The following LRRC7 variants were observed in gnomAD, a reference collection of about 807,000 sequenced individuals.
LRRC7 encodes the protein leucine rich repeat containing 7.
In LRRC7, 23 loss-of-function variants were observed where a neutral mutation model predicts 175.7. The observed-to-expected ratio is 0.13, with a 90% CI of 0.09 to 0.19. The LOEUF (loss-of-function observed/expected upper bound fraction) is 0.19, where lower values mean the gene tolerates loss of function less well. Ranked by LOEUF, LRRC7 falls within the 10% of genes least tolerant of loss-of-function variation. The pLI is 1.00. For missense variants in LRRC7, 1,354 were observed against 1,904.7 expected (o/e 0.71, Z 5.38); for synonymous variants, 685 against 680.9 (o/e 1.01, Z -0.09).
chr1:70,066,602 A>G (rs1390994511), intron 23 of LRRC7, among the ~76,000 whole-genome samples: 1 of 152,028 alleles, frequency 6.6e-6, no homozygotes, highest in African/African-American at 2.4e-5. Flanking sequence ...TAGTATGGAT[A>G]TATCACAGTT....
chr1:69,729,492 G>A (rs1478094466), intron 2 of LRRC7, among the ~76,000 whole-genome samples: 1 of 152,068 alleles, frequency 6.6e-6, no homozygotes, highest in Non-Finnish European at 1.5e-5. Flanking sequence ...GGAGCCACAG[G>A]CCCCATGCAA....
intron 1 of LRRC7, among the ~76,000 whole-genome samples, chr1:69,635,103 C>A (rs1232944029): frequency 6.6e-6 from 1 of 151,992 alleles, no homozygotes; most frequent in Non-Finnish European, 1.5e-5. Context: ...CCAAAAGGCA[C>A]CAGCGTTTGT....
intron 7 of LRRC7, among the ~76,000 whole-genome samples, chr1:69,927,256 C>T (rs977072846): frequency 6.6e-5 from 10 of 152,130 alleles, no homozygotes; most frequent in Non-Finnish European, 1.0e-4. Flanking sequence ...TCCTTCATTT[C>T]AACTTTGGTG....
intron 8 of LRRC7, among the ~76,000 whole-genome samples, chr1:69,949,738 A>C (rs1472557090): frequency 2.0e-5 from 3 of 152,160 alleles, no homozygotes; most frequent in Non-Finnish European, 4.4e-5. Context: ...ATGGATTCTT[A>C]CAGGTAGAAC....
chr1:69,828,485 G>T (rs909749802), intron 5 of LRRC7, among the ~76,000 whole-genome samples: 1 of 151,982 alleles, frequency 6.6e-6, no homozygotes, highest in Non-Finnish European at 1.5e-5. Context: ...AGTAGAAATG[G>T]TATTTCAATT....
intron 7 of LRRC7, among the ~76,000 whole-genome samples, chr1:69,849,105 C>T (rs1400778467): frequency 1.3e-5 from 2 of 152,002 alleles, no homozygotes; most frequent in African/African-American, 2.4e-5. Context: ...TACTACTTAA[C>T]AGCAATCTTT....
chr1:69,795,520 G>A lies in LRRC7; in HGVS notation c.421+3360G>A, dbSNP rs559757770. Among the ~76,000 whole-genome samples, 3 of 152,290 alleles carry A rather than the reference G, an allele frequency of 2.0e-5. 1 individual carries two copies. Among genetic ancestry groups the A allele is most frequent in the African/African-American group, 4.8e-5 (2 of 41,558 alleles). ...GCAGTGTCAGAATCACAGTTGACAA[G>A]GTTGGAATAGCCCTGCTGAAAAAGA... is the stretch of plus-strand genomic sequence containing the variant. On this transcript the variant is annotated intron_variant, in intron 4 of 26. Transcript: ENST00000651989.
At chr1:69,772,606 A>G (rs1186096722) in intron 3 of LRRC7, among the ~76,000 whole-genome samples, 2 of 152,236 alleles carry the variant, frequency 1.3e-5, no homozygotes, top group South Asian at 2.1e-4. Context: ...AGTCAAGAGC[A>G]GAGACAGAGA....
chr1:69,876,897 AG>A (rs1686093178), intron 7 of LRRC7, among the ~76,000 whole-genome samples: 1 of 152,154 alleles, frequency 6.6e-6, no homozygotes, highest in South Asian at 2.1e-4. Flanking sequence ...ATAGTATATA[AG>A]ATTATGGAGA....
intron 1 of LRRC7, among the ~76,000 whole-genome samples, chr1:69,646,697 G>A (rs1484277393): frequency 6.6e-6 from 1 of 152,056 alleles, no homozygotes; most frequent in Non-Finnish European, 1.5e-5. Context: ...TGCTTCCTAT[G>A]ATATCTACTC....
intron 3 of LRRC7, among the ~76,000 whole-genome samples, chr1:69,773,540 A>T (rs1672476888): frequency 1.3e-5 from 2 of 152,192 alleles, no homozygotes; most frequent in African/African-American, 4.8e-5. Context: ...AAGGGCCTTA[A>T]ATGTATAAAT....
intron 1 of LRRC7, among the ~76,000 whole-genome samples, chr1:69,637,008 A>C (rs1009562282): frequency 6.6e-6 from 1 of 151,756 alleles, no homozygotes; most frequent in African/African-American, 2.4e-5. Context: ...GTTCTTTGGT[A>C]TAAAAGTTAC....
At chr1:69,721,922 G>A (rs992766997) in intron 2 of LRRC7, among the ~76,000 whole-genome samples, 9 of 151,722 alleles carry the variant, frequency 5.9e-5, no homozygotes, top group Non-Finnish European at 1.0e-4. Flanking sequence ...GTGGCATTAA[G>A]TACATTCACA....
At chr1:69,838,141 C>A in intron 6 of LRRC7, 86 bp from the exon 7 acceptor site, 1 of 832,964 alleles carries the variant, frequency 1.2e-6, no homozygotes, top group Non-Finnish European at 2.0e-6. Context: ...CATAGTAACC[C>A]TATAGTGCTA....
At chr1:69,925,823 T>A (rs28852419) in intron 7 of LRRC7, among the ~76,000 whole-genome samples, 14 of 146,850 alleles carry the variant, frequency 9.5e-5, no homozygotes, top group African/African-American at 3.2e-4. Flanking sequence ...TGATTTTAGT[T>A]ATTTCTTGCC....
intron 1 of LRRC7, among the ~76,000 whole-genome samples, chr1:69,608,860 CTCTCTCTATATATA>C (rs1285586175): frequency 0.018 from 428 of 23,310 alleles, 1 homozygote; most frequent in African/African-American, 0.045. Flanking sequence ...CTCTCTCTCT[CTCTCTCTATATATA>C]TATATATATA....
chr1:69,893,597 G>T (rs1422774520), intron 7 of LRRC7, among the ~76,000 whole-genome samples: 1 of 151,992 alleles, frequency 6.6e-6, no homozygotes, highest in African/African-American at 2.4e-5. Flanking sequence ...ATACAAACTG[G>T]TAAAACTTTG....
chr1:69,820,263 A>T (rs982335973), intron 4 of LRRC7, among the ~76,000 whole-genome samples: 3 of 152,128 alleles, frequency 2.0e-5, no homozygotes, highest in Non-Finnish European at 4.4e-5. Flanking sequence ...TCTTATAGTT[A>T]TAACACTATT....
intron 3 of LRRC7, among the ~76,000 whole-genome samples, chr1:69,765,529 C>G (rs1188115834): frequency 6.6e-6 from 1 of 152,018 alleles, no homozygotes; most frequent in East Asian, 1.9e-4. Context: ...AAAAAAATCA[C>G]TAATTTAAAG....
Sources: allele counts gnomAD v4.1 joint callset (sites outside exome capture counted in the v4.1 genomes callset), GRCh38; gene constraint gnomAD v4.1.1; transcripts MANE v1.5; gene names NCBI Gene and HGNC (gene_info 2026-07-23, HGNC 2026-07-21).